Variants in KCNK10 observed in about 807,000 individuals in gnomAD.
The protein encoded by KCNK10 is potassium channel subfamily K member 10.
In KCNK10, 25 loss-of-function variants were observed where a neutral mutation model predicts 47.7. That is an observed-to-expected ratio of 0.52 (90% CI 0.38 to 0.73). KCNK10 has a LOEUF of 0.73. KCNK10 is among the 30% of genes least tolerant of loss of function. The pLI, the probability that KCNK10 is intolerant of heterozygous loss-of-function variation, is 0.00. For synonymous variants in KCNK10, 303 were observed against 285.6 expected (o/e 1.06, Z -0.61); for missense variants, 563 against 714.5 (o/e 0.79, Z 2.42).
intron 1 of KCNK10, among the ~76,000 whole-genome samples, chr14:88,266,065 C>T (rs1311612348): frequency 6.6e-6 from 1 of 152,186 alleles, no homozygotes; most frequent in Non-Finnish European, 1.5e-5. Flanking sequence ...CCAGCACTCC[C>T]ATTAGATTGA....
At chr14:88,224,862 A>C (rs778109341) in intron 4 of KCNK10, among the ~76,000 whole-genome samples, 39 of 152,270 alleles carry the variant, frequency 2.6e-4, no homozygotes, top group Non-Finnish European at 1.9e-4. Flanking sequence ...CACCCACCTC[A>C]GCCTCCCAAA....
At chr14:88,202,208 T>C (rs1256679951) in intron 4 of KCNK10, among the ~76,000 whole-genome samples, 1 of 152,156 alleles carries the variant, frequency 6.6e-6, no homozygotes, top group Non-Finnish European at 1.5e-5. Flanking sequence ...GCCTGTGGTG[T>C]ATGGTAAATG....
intron 1 of KCNK10, among the ~76,000 whole-genome samples, chr14:88,315,150 T>C (rs1336396887): frequency 1.3e-5 from 2 of 152,192 alleles, no homozygotes; most frequent in African/African-American, 4.8e-5. Context: ...GTATTTAATC[T>C]CCTTTCAGGT....
intron 1 of KCNK10, among the ~76,000 whole-genome samples, chr14:88,271,635 T>C (rs1363490886): frequency 6.6e-6 from 1 of 152,160 alleles, no homozygotes; most frequent in African/African-American, 2.4e-5. Context: ...AAAATTCTAT[T>C]GAATGGCATG....
At chr14:88,274,219 C>T (rs539457019) in intron 1 of KCNK10, among the ~76,000 whole-genome samples, 31 of 152,154 alleles carry the variant, frequency 2.0e-4, no homozygotes, top group East Asian at 3.9e-4. Flanking sequence ...CTTCCACACA[C>T]ACTTCTCCCT....
intron 1 of KCNK10, among the ~76,000 whole-genome samples, chr14:88,272,366 T>G (rs1887427572): frequency 6.6e-6 from 1 of 151,810 alleles, no homozygotes; most frequent in Non-Finnish European, 1.5e-5. Context: ...AGAGAGAGTG[T>G]CAGTGCCACC....
intron 4 of KCNK10, among the ~76,000 whole-genome samples, chr14:88,210,150 C>T (rs1049000882): frequency 1.3e-5 from 2 of 152,198 alleles, no homozygotes; most frequent in African/African-American, 4.8e-5. Context: ...CATTATTATC[C>T]TCATTTTTTC....
chr14:88,297,913 C>G (rs1333740559), intron 1 of KCNK10, among the ~76,000 whole-genome samples: 1 of 152,206 alleles, frequency 6.6e-6, no homozygotes, highest in Non-Finnish European at 1.5e-5. Flanking sequence ...GTGGGCCACC[C>G]TTCTCTTCGT....
intron 4 of KCNK10, among the ~76,000 whole-genome samples, chr14:88,198,833 T>C (rs1013531255): frequency 9.9e-5 from 15 of 152,164 alleles, no homozygotes; most frequent in Admixed American, 3.9e-4. Flanking sequence ...ATATAAACCA[T>C]ATTCTTCAGT....
chr14:88,257,042 A>T (rs1886976952), intron 2 of KCNK10, among the ~76,000 whole-genome samples: 1 of 152,228 alleles, frequency 6.6e-6, no homozygotes. Context: ...ATGCAGGGAT[A>T]TGCAGCACAT....
chr14:88,233,025 C>A (rs1886198756), intron 3 of KCNK10, among the ~76,000 whole-genome samples: 1 of 152,188 alleles, frequency 6.6e-6, no homozygotes, highest in Admixed American at 6.5e-5. Context: ...CAGTCACTAG[C>A]TGTGGAGGTC....
chr14:88,294,596 A>G (rs544695170), intron 1 of KCNK10, among the ~76,000 whole-genome samples: 29 of 152,220 alleles, frequency 1.9e-4, no homozygotes, highest in Non-Finnish European at 2.1e-4. Context: ...GGTTGATCCA[A>G]TGACTCTGCC....
Position 88,322,654 on chromosome 14 carries a change from G to T in KCNK10, c.52+93C>A. 6.5e-7 allele frequency: 1 copy of T among 1,544,848 alleles called. No homozygotes were observed. Among genetic ancestry groups the T allele is most frequent in the Non-Finnish European group, 8.9e-7 (1 of 1,119,022 alleles). On this transcript the variant is annotated intron_variant, in intron 1 of 6. Coordinates refer to ENST00000319231, the MANE Select transcript of KCNK10 (RefSeq NM_138317.3). This position sits in a 1 kb window ranked among gnomAD's most constrained non-coding sequence, Gnocchi z 4.8. The stretch of plus-strand genomic sequence containing the variant: ...CGCATTTCCCAGCCTCAGGACACAC[G>T]CTGCCAGAAGCAAGAGTGCTTCCAC...
At chr14:88,296,840 C>T (rs1423134936) in intron 1 of KCNK10, among the ~76,000 whole-genome samples, 5 of 152,158 alleles carry the variant, frequency 3.3e-5, no homozygotes, top group East Asian at 1.9e-4. Context: ...ACCATTACAT[C>T]GGCCAAAGCA....
chr14:88,259,432 T>C (rs1334587613), intron 2 of KCNK10, among the ~76,000 whole-genome samples: 1 of 152,172 alleles, frequency 6.6e-6, no homozygotes, highest in Non-Finnish European at 1.5e-5. Flanking sequence ...GAAACAGAAA[T>C]GCTTCCTGTT....
intron 1 of KCNK10, among the ~76,000 whole-genome samples, chr14:88,278,991 G>C (rs1887587448): frequency 6.6e-6 from 1 of 152,176 alleles, no homozygotes; most frequent in Non-Finnish European, 1.5e-5. Flanking sequence ...CATGGAGTAA[G>C]TACTTGGTTC....
At chr14:88,323,301 T>A, upstream of KCNK10, 1 of 984,998 alleles carries the variant, frequency 1.0e-6, no homozygotes, top group Non-Finnish European at 1.2e-6. Context: ...TCGGCCGCGC[T>A]GAGCGCACAC....
chr14:88,272,471 G>A (rs550547849), intron 1 of KCNK10, among the ~76,000 whole-genome samples: 2 of 152,130 alleles, frequency 1.3e-5, no homozygotes, highest in East Asian at 1.9e-4. Flanking sequence ...AGAGGAAGGC[G>A]GAACAGCAAT....
chr14:88,243,589 G>A (rs1886541199), intron 2 of KCNK10, among the ~76,000 whole-genome samples: 1 of 152,168 alleles, frequency 6.6e-6, no homozygotes, highest in African/African-American at 2.4e-5. Flanking sequence ...CTACTTCCTT[G>A]AACATGCAAA....
Sources: allele counts gnomAD v4.1 joint callset (sites outside exome capture counted in the v4.1 genomes callset), GRCh38; gene constraint gnomAD v4.1.1; non-coding constraint Gnocchi (gnomAD v3.1); transcripts MANE v1.5; gene names NCBI Gene and HGNC (gene_info 2026-07-23, HGNC 2026-07-21).